CADM2: variants seen among roughly 807,000 people sequenced by gnomAD.
CADM2 encodes immunoglobulin superfamily member 4D.
CADM2 carries 12 observed loss-of-function variants against 49.8 expected under a neutral mutation model. The ratio of observed to expected loss-of-function variants is 0.24; its 90% confidence interval spans 0.15 to 0.39. The LOEUF (loss-of-function observed/expected upper bound fraction) is 0.39, where lower values mean the gene tolerates loss of function less well. CADM2 is among the 10% of genes least tolerant of loss of function. CADM2 has a pLI of 1.00. For missense variants in CADM2, 378 were observed against 492.3 expected (o/e 0.77, Z 2.20); for synonymous variants, 214 against 175.4 (o/e 1.22, Z -1.74).
intron 1 of CADM2, among the ~76,000 whole-genome samples, chr3:85,468,796 G>C (rs574076304): frequency 1.3e-5 from 2 of 152,258 alleles, no homozygotes; most frequent in East Asian, 3.9e-4. Flanking sequence ...TCTGGTAAGG[G>C]ATAAAAGTTA....
intron 1 of CADM2, among the ~76,000 whole-genome samples, chr3:85,448,816 C>G (rs2037599552): frequency 6.6e-6 from 1 of 151,660 alleles, no homozygotes; most frequent in Non-Finnish European, 1.5e-5. Flanking sequence ...TTTGGGAGGT[C>G]GAGGCTTGTG....
At chr3:85,720,720 G>C (rs2067471290) in intron 1 of CADM2, among the ~76,000 whole-genome samples, 1 of 152,118 alleles carries the variant, frequency 6.6e-6, no homozygotes, top group Non-Finnish European at 1.5e-5. Flanking sequence ...ATTTTAATAA[G>C]TTTCATGTGA....
intron 1 of CADM2, among the ~76,000 whole-genome samples, chr3:85,687,078 C>G (rs1219646055): frequency 6.6e-6 from 1 of 152,072 alleles, no homozygotes; most frequent in South Asian, 2.1e-4. Context: ...CTCAGATCTC[C>G]GGGGTTCACA....
intron 2 of CADM2, among the ~76,000 whole-genome samples, chr3:85,754,442 T>C (rs1369934646): frequency 1.3e-5 from 2 of 152,122 alleles, no homozygotes; most frequent in Non-Finnish European, 2.9e-5. Flanking sequence ...ATTCACAGAT[T>C]TTTAAATCAC....
Position 85,130,182 on chromosome 3 carries a change from G to A in CADM2, c.61+170514G>A, listed in dbSNP as rs879504180. Among the ~76,000 whole-genome samples, 5 of 152,158 alleles carry A rather than the reference G, an allele frequency of 3.3e-5. No individual in the cohort carries two copies. In the East Asian group the frequency reaches 9.6e-4, roughly 29 times the overall value. ...GACTGGGTTTACAGTAATTTTATAA[G>A]TATAGACATCTGTGTTTAGTGCCAC... On this transcript the variant is annotated intron_variant, in intron 1 of 9. Coordinates refer to ENST00000383699, the MANE Select transcript of CADM2 (RefSeq NM_001167675.2).
chr3:85,236,087 GT>G (rs1349334829), intron 1 of CADM2, among the ~76,000 whole-genome samples: 2 of 151,988 alleles, frequency 1.3e-5, no homozygotes, highest in Non-Finnish European at 2.9e-5. Flanking sequence ...GATGGATGAT[GT>G]TATTCTCAGG....
At chr3:86,052,309 T>C (rs1737438363) in intron 8 of CADM2, among the ~76,000 whole-genome samples, 1 of 152,142 alleles carries the variant, frequency 6.6e-6, no homozygotes, top group Non-Finnish European at 1.5e-5. Flanking sequence ...TTCTGGGACA[T>C]TCTTAGGTAT....
At chr3:85,660,012 G>T (rs2065350819) in intron 1 of CADM2, among the ~76,000 whole-genome samples, 1 of 152,052 alleles carries the variant, frequency 6.6e-6, no homozygotes, top group East Asian at 1.9e-4. Flanking sequence ...TAAAACCTAA[G>T]AATTCACAAA....
chr3:85,468,299 A>C (rs2038611726), intron 1 of CADM2, among the ~76,000 whole-genome samples: 3 of 151,656 alleles, frequency 2.0e-5, no homozygotes, highest in Admixed American at 6.6e-5. Context: ...CCCCGTAGAG[A>C]AGATGCTCAC....
intron 1 of CADM2, among the ~76,000 whole-genome samples, chr3:85,663,892 C>T (rs1480708793): frequency 6.6e-6 from 1 of 151,996 alleles, no homozygotes; most frequent in Non-Finnish European, 1.5e-5. Context: ...AGACTCATTG[C>T]AACTGGCTTT....
chr3:85,293,295 A>T (rs199732298), intron 1 of CADM2, among the ~76,000 whole-genome samples: 15,648 of 151,566 alleles, frequency 0.1, 934 homozygotes, highest in African/African-American at 0.17. Context: ...GGCAATAATC[A>T]ATAGCTTACC....
At chr3:85,606,998 C>T (rs2063555956) in intron 1 of CADM2, among the ~76,000 whole-genome samples, 1 of 151,988 alleles carries the variant, frequency 6.6e-6, no homozygotes, top group Non-Finnish European at 1.5e-5. Context: ...CCATTATTGA[C>T]ATTGTATAAG....
chr3:85,169,045 T>C (rs751254453), intron 1 of CADM2, among the ~76,000 whole-genome samples: 20 of 152,182 alleles, frequency 1.3e-4, no homozygotes, highest in Non-Finnish European at 2.6e-4. Context: ...CTCCACCTCC[T>C]GGGTTCCAGG....
intron 1 of CADM2, among the ~76,000 whole-genome samples, chr3:85,321,091 CAT>C (rs1227890094): frequency 0.19 from 12,288 of 64,722 alleles, 1,681 homozygotes; most frequent in Admixed American, 0.23. Flanking sequence ...TAGATATATA[CAT>C]ATATATATAT....
At chr3:85,866,037 C>G (rs1347637986) in intron 3 of CADM2, among the ~76,000 whole-genome samples, 1 of 152,084 alleles carries the variant, frequency 6.6e-6, no homozygotes, top group African/African-American at 2.4e-5. Flanking sequence ...ACTTGGGAGG[C>G]TGAGGCAGGA....
chr3:85,077,941 T>C (rs553473098), intron 1 of CADM2, among the ~76,000 whole-genome samples: 1 of 152,166 alleles, frequency 6.6e-6, no homozygotes, highest in East Asian at 1.9e-4. Flanking sequence ...GGCATCATGT[T>C]TGGTTGGTGC....
At chr3:85,275,674 G>A (rs767111873) in intron 1 of CADM2, among the ~76,000 whole-genome samples, 10 of 151,044 alleles carry the variant, frequency 6.6e-5, no homozygotes, top group African/African-American at 2.4e-4. Context: ...TTTACAAAAT[G>A]TTCTCTTTTA....
rs1158994563 is a variant in CADM2, at chr3:85,820,788, TG to T, written c.238+18594del. On this transcript the variant is annotated intron_variant, in intron 3 of 9. Coordinates refer to ENST00000383699, the MANE Select transcript of CADM2 (RefSeq NM_001167675.2). ...AGTAGATATGTATTATCAGGCTTGA[TG>T]GCTTAAGAAGATCTAGGGAAAAGGA... Among the ~76,000 whole-genome samples the T allele has an allele frequency of 3.3e-5, 5 of 152,250 alleles. No homozygotes were observed. The East Asian group carries it at 7.8e-4, about 24-fold the overall frequency.
At chr3:85,115,574 T>G (rs1262864683) in intron 1 of CADM2, among the ~76,000 whole-genome samples, 2 of 152,222 alleles carry the variant, frequency 1.3e-5, no homozygotes, top group African/African-American at 2.4e-5. Flanking sequence ...GATAAGCACT[T>G]AACATTTGTA....
Sources: allele counts gnomAD v4.1 joint callset (sites outside exome capture counted in the v4.1 genomes callset), GRCh38; gene constraint gnomAD v4.1.1; transcripts MANE v1.5; gene names NCBI Gene and HGNC (gene_info 2026-07-23, HGNC 2026-07-21).